RPIA: variants seen among roughly 807,000 people sequenced by gnomAD.
The protein encoded by RPIA is ribose 5-phosphate isomerase A.
RPIA carries 29 observed loss-of-function variants against 37.8 expected under a neutral mutation model. The observed-to-expected ratio is 0.77, with a 90% CI of 0.57 to 1.05. The LOEUF is 1.05. RPIA is among the 50% of genes least tolerant of loss of function. The probability of loss-of-function intolerance (pLI) is 0.00; values close to 1 mark genes in which losing one functional copy is unlikely to be tolerated. For missense variants in RPIA, 385 were observed against 413.6 expected (o/e 0.93, Z 0.60); for synonymous variants, 167 against 157.0 (o/e 1.06, Z -0.48).
chr2:88,706,894 A>T (rs1373467020), intron 3 of RPIA, among the ~76,000 whole-genome samples: 1 of 152,234 alleles, frequency 6.6e-6, no homozygotes, highest in East Asian at 1.9e-4. Context: ...TATTCCTACT[A>T]ACACTATGTT....
At chr2:88,720,219 T>C (rs1374918926) in intron 3 of RPIA, among the ~76,000 whole-genome samples, 1 of 151,208 alleles carries the variant, frequency 6.6e-6, no homozygotes, top group Non-Finnish European at 1.5e-5. Flanking sequence ...TACGTGGATG[T>C]AATAACCTTA....
chr2:88,742,479 T>C (rs1036765791), intron 8 of RPIA, among the ~76,000 whole-genome samples: 3 of 152,194 alleles, frequency 2.0e-5, no homozygotes, highest in African/African-American at 7.2e-5. Context: ...AGTCAGGTAA[T>C]GTACTGCTGC....
chr2:88,726,171 C>T lies in RPIA; in HGVS notation c.403-3107C>T, dbSNP rs967408878. 2.0e-5 allele frequency among the ~76,000 whole-genome samples: 3 copies of T among 152,056 alleles called. No individual in the cohort carries two copies. In the East Asian group the frequency reaches 5.8e-4, roughly 29 times the overall value. On this transcript the variant is annotated intron_variant, in intron 3 of 8. Transcript: ENST00000283646. Reference sequence around the variant, plus strand: ...AGCTGCAGAAACAGACAGTGCTCACCGACCAGGCCCTTCTCATGTGCCAGG... The same window carrying T: ...AGCTGCAGAAACAGACAGTGCTCACTGACCAGGCCCTTCTCATGTGCCAGG...
At chr2:88,726,936 A>C (rs866638347) in intron 3 of RPIA, among the ~76,000 whole-genome samples, 20 of 152,192 alleles carry the variant, frequency 1.3e-4, no homozygotes, top group African/African-American at 4.8e-4. Flanking sequence ...ATGGGGTTTC[A>C]CCATGTTGGT....
chr2:88,703,490 A>G (rs1365196782), intron 3 of RPIA, among the ~76,000 whole-genome samples: 1 of 152,214 alleles, frequency 6.6e-6, no homozygotes, highest in Non-Finnish European at 1.5e-5. Flanking sequence ...GAAGCTGCCA[A>G]GGCTTGGGGC....
intron 3 of RPIA, among the ~76,000 whole-genome samples, chr2:88,701,890 T>C (rs1395629794): frequency 6.6e-6 from 1 of 152,232 alleles, no homozygotes; most frequent in Non-Finnish European, 1.5e-5. Flanking sequence ...TTTTGCAGTA[T>C]TGATAATATT....
intron 1 of RPIA, among the ~76,000 whole-genome samples, chr2:88,697,953 C>T (rs750326649): frequency 2.3e-4 from 35 of 152,168 alleles, no homozygotes; most frequent in Non-Finnish European, 4.0e-4. Flanking sequence ...ACACTGAAGC[C>T]AGAAGCCTTA....
At chr2:88,734,092 T>C (rs1464200936) in intron 4 of RPIA, among the ~76,000 whole-genome samples, 1 of 152,152 alleles carries the variant, frequency 6.6e-6, no homozygotes, top group African/African-American at 2.4e-5. Context: ...GAATCAGTTT[T>C]TTTTTTTTGC....
intron 8 of RPIA, among the ~76,000 whole-genome samples, chr2:88,745,983 T>G (rs1392086585): frequency 6.6e-6 from 1 of 152,212 alleles, no homozygotes; most frequent in Non-Finnish European, 1.5e-5. Context: ...TTTTTTTGAT[T>G]CTTTTTTTCT....
At chr2:88,736,509 T>C (rs140652818) in intron 6 of RPIA, 26 bp from the exon 7 acceptor site, 30 of 1,613,958 alleles carry the variant, frequency 1.9e-5, no homozygotes, top group Non-Finnish European at 2.3e-5. Context: ...TTACTTTTAT[T>C]GTACTTTCTG....
At chr2:88,732,862 C>G (rs1673263665) in intron 4 of RPIA, among the ~76,000 whole-genome samples, 1 of 151,864 alleles carries the variant, frequency 6.6e-6, no homozygotes, top group African/African-American at 2.4e-5. Flanking sequence ...CAAACCCTAC[C>G]TGGCATTTTC....
At chr2:88,737,609 C>T (rs766268226) in intron 7 of RPIA, among the ~76,000 whole-genome samples, 3 of 152,094 alleles carry the variant, frequency 2.0e-5, no homozygotes, top group Non-Finnish European at 4.4e-5. Context: ...CTTAAGGAAG[C>T]AGATAAGAAC....
chr2:88,709,658 A>G (rs1672938942), intron 3 of RPIA, among the ~76,000 whole-genome samples: 1 of 152,218 alleles, frequency 6.6e-6, no homozygotes, highest in Non-Finnish European at 1.5e-5. Flanking sequence ...AGTGGGGGAA[A>G]GGTGTGTCTC....
At chr2:88,723,376 A>G (rs113140608) in intron 3 of RPIA, among the ~76,000 whole-genome samples, 141 of 152,320 alleles carry the variant, frequency 9.3e-4, no homozygotes, top group African/African-American at 3.2e-3. Flanking sequence ...CTCAAACTCC[A>G]TAAAGGAGTT....
intron 3 of RPIA, among the ~76,000 whole-genome samples, chr2:88,702,619 A>G (rs1672845687): frequency 6.6e-6 from 1 of 152,202 alleles, no homozygotes; most frequent in Non-Finnish European, 1.5e-5. Context: ...TGATTCAATT[A>G]TCTCCCACCA....
At chr2:88,713,153 CTTTTTTTT>C (rs1175205465) in intron 3 of RPIA, among the ~76,000 whole-genome samples, 3 of 24,296 alleles carry the variant, frequency 1.2e-4, no homozygotes, top group African/African-American at 4.3e-4. Flanking sequence ...ACGAGTAGGC[CTTTTTTTT>C]TTTTTTTTTT....
At chr2:88,748,930 T>G (rs369406608) in intron 8 of RPIA, among the ~76,000 whole-genome samples, 14 of 152,270 alleles carry the variant, frequency 9.2e-5, no homozygotes, top group African/African-American at 3.4e-4. Context: ...CCCAGGCTGG[T>G]CTCGAACTCC....
At chr2:88,735,614 T>G in intron 5 of RPIA, 55 bp from the exon 6 acceptor site, 1 of 1,518,374 alleles carries the variant, frequency 6.6e-7, no homozygotes, top group Non-Finnish European at 9.2e-7. Flanking sequence ...TTAACCTTAG[T>G]TCCCAAACTG....
At chr2:88,694,476 C>G (rs1298819650) in intron 1 of RPIA, among the ~76,000 whole-genome samples, 2 of 152,130 alleles carry the variant, frequency 1.3e-5, no homozygotes, top group Non-Finnish European at 2.9e-5. Flanking sequence ...GCTAGAGTTC[C>G]TAGCTTCAGG....
Sources: allele counts gnomAD v4.1 joint callset (sites outside exome capture counted in the v4.1 genomes callset), GRCh38; gene constraint gnomAD v4.1.1; transcripts MANE v1.5; gene names NCBI Gene and HGNC (gene_info 2026-07-23, HGNC 2026-07-21).